TRIO: variants seen among roughly 807,000 people sequenced by gnomAD.
TRIO encodes trio Rho guanine nucleotide exchange factor, also known as triple functional domain protein.
Under a neutral mutation model 351.9 loss-of-function variants are expected in TRIO, and 58 were observed. That is an observed-to-expected ratio of 0.16 (90% CI 0.13 to 0.21). The LOEUF is 0.21. TRIO is among the 10% of genes least tolerant of loss of function. TRIO has a pLI of 1.00. For missense variants in TRIO, 3,201 were observed against 4,027.8 expected, an observed-to-expected ratio of 0.79 and a Z score of 5.56; for synonymous variants, 1,758 against 1,595.7, an observed-to-expected ratio of 1.10 and a Z score of -2.42.
In TRIO at chr5:14,377,243, AT is replaced by A. The variant is rs200500098; in HGVS notation, c.3332-760del. ...CTCTCCTAAGGGGTTATGGTTTTGT[AT>A]TTTTTTTTGTTTTTTTTTTTAGACG... On this transcript the variant is annotated intron_variant, in intron 19 of 56. Coordinates refer to ENST00000344204, the MANE Select transcript of TRIO (RefSeq NM_007118.4). 6.3e-3 allele frequency among the ~76,000 whole-genome samples: 825 copies of A among 131,916 alleles called. 9 individuals are homozygous for A. The highest frequency in any genetic ancestry group is 0.022 in the African/African-American group (776 of 35,540). The allele number at this position is 131,916 out of a possible 152,430, so 86.5% of individuals were successfully genotyped here. A position where few individuals can be genotyped will look rare whatever the true frequency, so the allele number is the denominator to read the frequency against.
chr5:14,417,503 A>G (rs1749743443), intron 33 of TRIO, among the ~76,000 whole-genome samples: 1 of 152,222 alleles, frequency 6.6e-6, no homozygotes, highest in Admixed American at 6.5e-5. Context: ...AGTGTGAGCC[A>G]TCGGAGGATG....
intron 53 of TRIO, among the ~76,000 whole-genome samples, chr5:14,499,554 C>T (rs1757129981): frequency 6.6e-6 from 1 of 152,170 alleles, no homozygotes; most frequent in Admixed American, 6.5e-5. Flanking sequence ...ACTTTTGTCC[C>T]AGATATCTTA....
intron 49 of TRIO, among the ~76,000 whole-genome samples, chr5:14,495,533 C>A (rs150015790): frequency 0.018 from 2,754 of 151,622 alleles, 89 homozygotes; most frequent in African/African-American, 0.059. Context: ...AGAAATTGCC[C>A]CAGCCAGGCC....
chr5:14,439,989 A>T (rs1421751828), intron 34 of TRIO, among the ~76,000 whole-genome samples: 1 of 152,210 alleles, frequency 6.6e-6, no homozygotes, highest in African/African-American at 2.4e-5. Flanking sequence ...TGAGGATTTT[A>T]AAATTTTATT....
chr5:14,150,690 A>G (rs1787777827), intron 1 of TRIO, among the ~76,000 whole-genome samples: 2 of 152,226 alleles, frequency 1.3e-5, no homozygotes, highest in Admixed American at 1.3e-4. Context: ...ATACCAACAA[A>G]AGCCAAAGCT....
chr5:14,266,491 T>G (rs1207026757), intron 1 of TRIO, among the ~76,000 whole-genome samples: 1 of 152,220 alleles, frequency 6.6e-6, no homozygotes, highest in African/African-American at 2.4e-5. Flanking sequence ...GTATAATGTT[T>G]ATTATTAAGG....
At chr5:14,284,069 A>T (rs747062656) in intron 3 of TRIO, among the ~76,000 whole-genome samples, 11 of 152,210 alleles carry the variant, frequency 7.2e-5, no homozygotes, top group Non-Finnish European at 1.2e-4. Context: ...TAATGAAATG[A>T]TACGAAGATT....
chr5:14,311,467 C>T (rs1354065571), intron 8 of TRIO, among the ~76,000 whole-genome samples: 1 of 152,176 alleles, frequency 6.6e-6, no homozygotes, highest in African/African-American at 2.4e-5. Flanking sequence ...AAGTATCTGT[C>T]GTTGGGAACA....
intron 34 of TRIO, among the ~76,000 whole-genome samples, chr5:14,436,807 G>C (rs1751625238): frequency 6.6e-6 from 1 of 152,206 alleles, no homozygotes; most frequent in Non-Finnish European, 1.5e-5. Flanking sequence ...GCTGATAGGT[G>C]GGTTCCCATG....
chr5:14,187,330 A>G (rs1277309204), intron 1 of TRIO, among the ~76,000 whole-genome samples: 1 of 152,198 alleles, frequency 6.6e-6, no homozygotes, highest in Non-Finnish European at 1.5e-5. Context: ...AGAAGTTGCT[A>G]GATGGTTTTT....
chr5:14,208,669 A>T (rs894413853), intron 1 of TRIO, among the ~76,000 whole-genome samples: 2 of 152,236 alleles, frequency 1.3e-5, no homozygotes, highest in African/African-American at 4.8e-5. Flanking sequence ...TGAAGAGTAT[A>T]CTTTTGTAAC....
intron 1 of TRIO, among the ~76,000 whole-genome samples, chr5:14,203,089 C>A (rs1036892923): frequency 1.2e-4 from 18 of 152,022 alleles, no homozygotes; most frequent in African/African-American, 4.4e-4. Flanking sequence ...AGGTTATAGT[C>A]GTAACTTTTT....
At chr5:14,213,704 C>A (rs1434965868) in intron 1 of TRIO, among the ~76,000 whole-genome samples, 1 of 152,196 alleles carries the variant, frequency 6.6e-6, no homozygotes, top group African/African-American at 2.4e-5. Context: ...TTGTAAACAT[C>A]TATGAGCATT....
At chr5:14,443,521 C>T (rs931488503) in intron 34 of TRIO, among the ~76,000 whole-genome samples, 2 of 152,146 alleles carry the variant, frequency 1.3e-5, no homozygotes, top group Non-Finnish European at 2.9e-5. Flanking sequence ...AGAAATAAAT[C>T]CCAAAGTAAC....
intron 9 of TRIO, among the ~76,000 whole-genome samples, chr5:14,329,764 C>G (rs148574246): frequency 3.9e-5 from 6 of 152,150 alleles, no homozygotes; most frequent in African/African-American, 7.2e-5. Context: ...TGCTGGTTAT[C>G]TCCTATCCAT....
At chr5:14,462,209 G>A (rs1475942841) in intron 35 of TRIO, among the ~76,000 whole-genome samples, 1 of 152,184 alleles carries the variant, frequency 6.6e-6, no homozygotes, top group Non-Finnish European at 1.5e-5. Context: ...GTTGCAGTGT[G>A]GGGGTTGGGA....
At chr5:14,216,799 T>C (rs1792255406) in intron 1 of TRIO, among the ~76,000 whole-genome samples, 1 of 152,254 alleles carries the variant, frequency 6.6e-6, no homozygotes. Context: ...TCAGTACAGT[T>C]GTTTTTACTG....
At position 14,194,574 on chromosome 5, in the gene TRIO, G is replaced by A. The variant is rs1164261928; in HGVS notation, c.157+50692G>A. The stretch of plus-strand genomic sequence containing the variant: ...AATTCAGTGAAATCCATGTTTCAAG[G>A]GTGGGATGTTATTCCAGGAATTCTG... On this transcript the variant is annotated intron_variant, in intron 1 of 56. Transcript: ENST00000344204. 3.9e-5 allele frequency among the ~76,000 whole-genome samples: 6 copies of A among 152,154 alleles called. No homozygotes were observed. In the East Asian group the frequency reaches 9.6e-4, roughly 24 times the overall value.
At chr5:14,461,452 T>C in intron 35 of TRIO, 141 bp downstream of exon 35, 1 of 1,242,462 alleles carries the variant, frequency 8.0e-7, no homozygotes, top group East Asian at 2.7e-5. Context: ...AAGTCTCTGC[T>C]TAGCAGACTG....
Sources: allele counts gnomAD v4.1 joint callset (sites outside exome capture counted in the v4.1 genomes callset), GRCh38; gene constraint gnomAD v4.1.1; transcripts MANE v1.5; gene names NCBI Gene and HGNC (gene_info 2026-07-23, HGNC 2026-07-21).